TPO: variants seen among roughly 807,000 people sequenced by gnomAD.
TPO encodes the protein thyroid microsomal antigen.
A neutral mutation model predicts 96.9 loss-of-function variants in TPO; 78 were observed. The observed-to-expected ratio is 0.81, with a 90% CI of 0.67 to 0.97. TPO has a LOEUF of 0.97. Among genes scored for constraint, TPO ranks in the 50% least tolerant of loss-of-function variants. TPO has a pLI of 0.00. For synonymous variants in TPO, 547 were observed against 538.0 expected, an observed-to-expected ratio of 1.02 and a Z score of -0.23; for missense variants, 1,252 against 1,274.8, an observed-to-expected ratio of 0.98 and a Z score of 0.27.
chr2:1,396,328 C>T (rs1267397083), intron 1 of TPO, among the ~76,000 whole-genome samples: 6 of 152,334 alleles, frequency 3.9e-5, no homozygotes, highest in East Asian at 1.9e-4. Flanking sequence ...TCCCAAGAAG[C>T]GTTTACCCAC....
intron 3 of TPO, among the ~76,000 whole-genome samples, chr2:1,424,004 A>G (rs28909376): frequency 1.3e-5 from 2 of 152,324 alleles, no homozygotes; most frequent in East Asian, 1.9e-4. Context: ...ACAATTTGTG[A>G]ACCCAAGTAT....
intron 8 of TPO, among the ~76,000 whole-genome samples, chr2:1,483,031 C>T (rs1670793644): frequency 6.6e-6 from 1 of 152,170 alleles, no homozygotes; most frequent in Non-Finnish European, 1.5e-5. Flanking sequence ...GTGCTTCTGC[C>T]CAACCTCGAC....
At chr2:1,484,202 T>C (rs1670903437) in intron 8 of TPO, among the ~76,000 whole-genome samples, 1 of 152,228 alleles carries the variant, frequency 6.6e-6, no homozygotes, top group South Asian at 2.1e-4. Flanking sequence ...TTTGATTTAA[T>C]CCTCACAAAG....
chr2:1,487,281 G>A (rs1192870725), intron 9 of TPO, among the ~76,000 whole-genome samples: 1 of 151,992 alleles, frequency 6.6e-6, no homozygotes, highest in Non-Finnish European at 1.5e-5. Context: ...CCTTCTCCAG[G>A]CCCCTTTCTT....
At chr2:1,538,216 C>T (rs1680303113) in intron 15 of TPO, among the ~76,000 whole-genome samples, 1 of 152,004 alleles carries the variant, frequency 6.6e-6, no homozygotes, top group African/African-American at 2.4e-5. Flanking sequence ...TCTCTCCTCC[C>T]TTCTTTGCCC....
intron 14 of TPO, chr2:1,513,354 G>T (rs1674358553): frequency 6.6e-6 from 1 of 152,288 alleles, no homozygotes; most frequent in Admixed American, 6.5e-5. Context: ...AGCCCTGGCT[G>T]GAGGCCAGAG....
chr2:1,424,284 G>A (rs1301617092), intron 3 of TPO, among the ~76,000 whole-genome samples: 5 of 121,110 alleles, frequency 4.1e-5, no homozygotes, highest in Admixed American at 9.3e-5. Context: ...TCTGGGTTAT[G>A]TTAAGGGGTT....
chr2:1,510,163 A>G (rs1673948378), intron 14 of TPO, among the ~76,000 whole-genome samples: 1 of 150,374 alleles, frequency 6.7e-6, no homozygotes, highest in Non-Finnish European at 1.5e-5. Flanking sequence ...TCTTGCATTC[A>G]GATTTTTAAA....
chr2:1,506,341 CAT>C, intron 14 of TPO, among the ~76,000 whole-genome samples: 1 of 150,992 alleles, frequency 6.6e-6, no homozygotes, highest in South Asian at 2.1e-4. Flanking sequence ...CTGCAATAAA[CAT>C]ATGTGTGCAT....
chr2:1,440,035 G>A (rs1665989621), intron 5 of TPO, among the ~76,000 whole-genome samples: 1 of 152,178 alleles, frequency 6.6e-6, no homozygotes, highest in Non-Finnish European at 1.5e-5. Flanking sequence ...CCAGCACCTG[G>A]TTCCCCACCC....
At position 1,476,904 on chromosome 2, in the gene TPO, G is replaced by C. The variant is rs2280131; in HGVS notation, c.820-182G>C. Among the ~76,000 whole-genome samples the C allele has an allele frequency of 0.43, 63,933 of 150,342 alleles. 13,974 individuals carry two copies. Among genetic ancestry groups the C allele is most frequent in the East Asian group, 0.48 (2,413 of 5,008 alleles). ...AACCCCTGCAGCCTCTTCCAGGCAAGAGACCACCGGTAAGCAGGCCGGGGG... is the reference window on the plus strand; with the variant it reads ...AACCCCTGCAGCCTCTTCCAGGCAACAGACCACCGGTAAGCAGGCCGGGGG... On this transcript the variant is annotated intron_variant, in intron 7 of 16. Coordinates refer to ENST00000329066, the MANE Select transcript of TPO (RefSeq NM_001206744.2).
intron 14 of TPO, among the ~76,000 whole-genome samples, chr2:1,508,847 C>T (rs554032524): frequency 1.2e-4 from 18 of 152,218 alleles, no homozygotes; most frequent in East Asian, 9.6e-4. Flanking sequence ...CTCCTGGATT[C>T]ATTAATTTTT....
At chr2:1,446,521 G>T (rs926011276) in intron 5 of TPO, among the ~76,000 whole-genome samples, 2 of 152,080 alleles carry the variant, frequency 1.3e-5, no homozygotes, top group African/African-American at 4.8e-5. Context: ...CATTTCCTGT[G>T]GTTTAACTTC....
intron 10 of TPO, among the ~76,000 whole-genome samples, chr2:1,492,301 C>T (rs1373497767): frequency 1.3e-5 from 2 of 152,132 alleles, no homozygotes; most frequent in Non-Finnish European, 2.9e-5. Context: ...ATAACAGGCA[C>T]CCGCCATCAC....
intron 5 of TPO, among the ~76,000 whole-genome samples, chr2:1,442,973 C>T (rs73908720): frequency 0.067 from 10,233 of 152,262 alleles, 444 homozygotes; most frequent in East Asian, 0.16. Context: ...CTTTGGCTCA[C>T]GCCTGTAAAG....
At chr2:1,466,145 C>T (rs76042511) in intron 7 of TPO, among the ~76,000 whole-genome samples, 5,599 of 152,156 alleles carry the variant, frequency 0.037, 152 homozygotes, top group Middle Eastern at 0.13. Context: ...TCTATCGAGA[C>T]GATCATGTGA....
chr2:1,541,088 A>G, intron 16 of TPO: 6 of 1,213,406 alleles, frequency 4.9e-6, no homozygotes, highest in Non-Finnish European at 6.3e-6. Flanking sequence ...GAATAGTTAT[A>G]ATCAGTGTGG....
chr2:1,396,438 T>G (rs535956552), intron 1 of TPO, among the ~76,000 whole-genome samples: 80 of 152,360 alleles, frequency 5.3e-4, no homozygotes, highest in African/African-American at 1.8e-3. Context: ...CTTCCGCAGC[T>G]GAGAGGGTCT....
At chr2:1,420,720 G>T (rs1663425449) in intron 2 of TPO, among the ~76,000 whole-genome samples, 1 of 152,116 alleles carries the variant, frequency 6.6e-6, no homozygotes, top group Non-Finnish European at 1.5e-5. Flanking sequence ...AAGGTCACTT[G>T]GGTGACAGCA....
Sources: allele counts gnomAD v4.1 joint callset (sites outside exome capture counted in the v4.1 genomes callset), GRCh38; gene constraint gnomAD v4.1.1; transcripts MANE v1.5; gene names NCBI Gene and HGNC (gene_info 2026-07-23, HGNC 2026-07-21).